GRIK4: variants seen among roughly 807,000 people sequenced by gnomAD.
GRIK4 encodes glutamate receptor ionotropic, kainate 4.
In GRIK4, 40 loss-of-function variants were observed where a neutral mutation model predicts 104.9. The observed-to-expected ratio is 0.38, with a 90% CI of 0.30 to 0.50. GRIK4 has a LOEUF of 0.50. GRIK4 is among the 20% of genes least tolerant of loss of function. GRIK4 has a pLI of 0.93. For synonymous variants in GRIK4, 485 were observed against 524.9 expected (o/e 0.92, Z 1.04); for missense variants, 1,047 against 1,308.1 (o/e 0.80, Z 3.08).
chr11:120,733,246 A>G (rs1474758406), intron 3 of GRIK4, among the ~76,000 whole-genome samples: 1 of 152,096 alleles, frequency 6.6e-6, no homozygotes, highest in East Asian at 1.9e-4. Context: ...GCAACAGATT[A>G]TGTGGTCTTG....
At chr11:120,679,086 C>G (rs1950151388) in intron 3 of GRIK4, among the ~76,000 whole-genome samples, 1 of 152,136 alleles carries the variant, frequency 6.6e-6, no homozygotes, top group Admixed American at 6.6e-5. Context: ...AAATATCTAG[C>G]TTTATAATAA....
intron 3 of GRIK4, among the ~76,000 whole-genome samples, chr11:120,709,285 C>A (rs1472948787): frequency 2.0e-5 from 3 of 151,826 alleles, no homozygotes; most frequent in Non-Finnish European, 4.4e-5. Context: ...AGTTTCTACC[C>A]CCAATCTCAT....
At chr11:120,873,357 T>G (rs1954667015) in intron 9 of GRIK4, 1 of 152,446 alleles carries the variant, frequency 6.6e-6, no homozygotes, top group African/African-American at 2.4e-5. Flanking sequence ...ATGAAAGACT[T>G]TCTTGATTGC....
At chr11:120,612,312 T>C (rs2135149627) in intron 1 of GRIK4, among the ~76,000 whole-genome samples, 1 of 152,314 alleles carries the variant, frequency 6.6e-6, no homozygotes. Flanking sequence ...ATATTTGTAG[T>C]GTGGAAGCCT....
intron 5 of GRIK4, 64 bp downstream of exon 5, chr11:120,815,539 A>G: frequency 2.1e-6 from 2 of 967,308 alleles, no homozygotes; most frequent in Non-Finnish European, 1.5e-6. Flanking sequence ...GTCCAAAGAT[A>G]GGGTTGATTC....
At position 120,986,056 on chromosome 11, in the gene GRIK4, C is replaced by T; in HGVS notation, c.2667C>T (p.Asn889=). 1 of 1,521,902 alleles carries T rather than the reference C, an allele frequency of 6.6e-7. No individual in the cohort carries two copies. Among genetic ancestry groups the T allele is most frequent in the Non-Finnish European group, 8.8e-7 (1 of 1,137,536 alleles). 94.3% of individuals were successfully genotyped at this position (1,521,902 alleles called of 1,614,324 possible). ...RRPRGTATLS[N]GKLCGAGEPD... The stretch of plus-strand genomic sequence containing the variant: ...CGCGGGGCACGGCGACGCTCAGCAA[C>T]GGGAAGCTGTGCGGGGCAGGGGAGC... The change falls in exon 21 of 21, where the codon AAC becomes AAT. Residue 889 remains asparagine, a synonymous_variant. Transcript: ENST00000527524.
chr11:120,722,195 C>T (rs1950944723), intron 3 of GRIK4, among the ~76,000 whole-genome samples: 1 of 152,138 alleles, frequency 6.6e-6, no homozygotes, highest in African/African-American at 2.4e-5. Flanking sequence ...GCAATAGCAA[C>T]TTTAATTAAA....
chr11:120,820,097 G>C (rs545569929), intron 6 of GRIK4, among the ~76,000 whole-genome samples, 177 bp downstream of exon 6: 1 of 151,684 alleles, frequency 6.6e-6, no homozygotes, highest in East Asian at 1.9e-4. Context: ...GTGTGTGTGT[G>C]TGTGTGTGTG....
chr11:120,511,753 G>A lies in GRIK4; in HGVS notation c.-293G>A, dbSNP rs1315719956. ...GCTCGCTCGCAGCCGGACACAGACTGCCTTCAGCTGCGGGCGGATCGGGCT... is the reference window on the plus strand; with the variant it reads ...GCTCGCTCGCAGCCGGACACAGACTACCTTCAGCTGCGGGCGGATCGGGCT... On this transcript the variant is annotated 5_prime_UTR_variant, in exon 1 of 21. Transcript: ENST00000527524. 6.1e-6 allele frequency: 2 copies of A among 326,208 alleles called. No homozygotes were observed. The highest frequency in any genetic ancestry group is 1.2e-5 in the Non-Finnish European group (2 of 160,544). The allele number at this position is 326,208 out of a possible 1,614,324, so 20.2% of individuals were successfully genotyped here.
chr11:120,861,500 G>A (rs1178574267), intron 8 of GRIK4, among the ~76,000 whole-genome samples: 2 of 152,106 alleles, frequency 1.3e-5, no homozygotes, highest in Non-Finnish European at 2.9e-5. Context: ...CACACCATGG[G>A]CAGTTCACTG....
intron 8 of GRIK4, among the ~76,000 whole-genome samples, chr11:120,856,462 C>T (rs369478055): frequency 6.6e-6 from 1 of 152,046 alleles, no homozygotes; most frequent in Admixed American, 6.6e-5. Flanking sequence ...GGAGAAATGA[C>T]GAGGACCTAA....
At chr11:120,565,283 C>T (rs182064204) in intron 1 of GRIK4, among the ~76,000 whole-genome samples, 74 of 152,356 alleles carry the variant, frequency 4.9e-4, no homozygotes, top group African/African-American at 1.7e-3. Context: ...GATTAAAGGA[C>T]TCTAAGAACC....
intron 1 of GRIK4, among the ~76,000 whole-genome samples, chr11:120,615,324 G>A (rs1949096796): frequency 1.3e-5 from 2 of 152,238 alleles, no homozygotes; most frequent in Non-Finnish European, 1.5e-5. Flanking sequence ...AAAGCATTGA[G>A]CGGGTTGGGT....
intron 13 of GRIK4, among the ~76,000 whole-genome samples, chr11:120,935,684 T>C (rs1444149223): frequency 2.6e-5 from 4 of 152,230 alleles, no homozygotes; most frequent in Admixed American, 2.0e-4. Context: ...ACAGTTATCA[T>C]GTGTAAGCTT....
At chr11:120,599,589 G>A (rs1469342106) in intron 1 of GRIK4, among the ~76,000 whole-genome samples, 1 of 152,234 alleles carries the variant, frequency 6.6e-6, no homozygotes, top group Non-Finnish European at 1.5e-5. Context: ...CTCTGCTACT[G>A]TATTCTCAGC....
intron 1 of GRIK4, among the ~76,000 whole-genome samples, chr11:120,581,056 C>T (rs756679142): frequency 2.0e-5 from 3 of 151,974 alleles, no homozygotes; most frequent in Non-Finnish European, 4.4e-5. Flanking sequence ...ATTTGCCAAC[C>T]CTGTATCTTT....
intron 11 of GRIK4, chr11:120,894,821 C>T (rs1320275229): frequency 1.3e-5 from 2 of 152,236 alleles, no homozygotes; most frequent in African/African-American, 4.8e-5. Flanking sequence ...ACGTGTGTGG[C>T]TTCGAGGGTG....
At chr11:120,862,147 G>T (rs1226238506) in intron 9 of GRIK4, 27 bp downstream of exon 9, 1 of 1,606,500 alleles carries the variant, frequency 6.2e-7, no homozygotes, top group South Asian at 1.1e-5. Context: ...GCTCTTCCTG[G>T]TGCCCCTTGG....
intron 3 of GRIK4, among the ~76,000 whole-genome samples, chr11:120,736,780 CT>C (rs201302948): frequency 3.7e-4 from 54 of 144,044 alleles, no homozygotes; most frequent in East Asian, 1.4e-3. Context: ...CTCTCTCTCT[CT>C]CCCCTCACCC....
Sources: allele counts gnomAD v4.1 joint callset (sites outside exome capture counted in the v4.1 genomes callset), GRCh38; gene constraint gnomAD v4.1.1; transcripts MANE v1.5; gene names NCBI Gene and HGNC (gene_info 2026-07-23, HGNC 2026-07-21).